GATB: variants seen among roughly 807,000 people sequenced by gnomAD.
GATB encodes the protein glutamyl-tRNA(Gln) amidotransferase subunit B, mitochondrial.
In GATB, 39 loss-of-function variants were observed where a neutral mutation model predicts 62.3. The ratio of observed to expected loss-of-function variants is 0.63; its 90% CI spans 0.48 to 0.82. The LOEUF is 0.82. Among genes scored for constraint, GATB ranks in the 40% least tolerant of loss-of-function variants. The pLI is 0.00. For synonymous variants in GATB, 276 were observed against 258.9 expected (o/e 1.07, Z -0.63); for missense variants, 670 against 684.0 (o/e 0.98, Z 0.23).
rs1352895822 is a variant in GATB, at chr4:151,689,775, T to TTAATACTTTAAGTGCAC, written c.1198-1013_1198-1012insGTGCACTTAAAGTATTA. Among the ~76,000 whole-genome samples the TTAATACTTTAAGTGCAC allele has an allele frequency of 7.9e-5, 12 of 152,326 alleles. No individual in the cohort carries two copies. In the East Asian group the frequency reaches 2.3e-3, roughly 29 times the overall value. ...GCATTCTTATCATACCATGTTCACC[T>TTAATACTTTAAGTGCAC]TTAAATACTGCAACTGCCACAACTA... On this transcript the variant is annotated intron_variant, in intron 9 of 12. Transcript: ENST00000263985.
chr4:151,733,169 T>C (rs1273311847), intron 2 of GATB, among the ~76,000 whole-genome samples: 2 of 151,870 alleles, frequency 1.3e-5, no homozygotes, highest in Non-Finnish European at 2.9e-5. Context: ...AAAAGATAAA[T>C]GAAACCAAAA....
At chr4:151,678,882 T>C (rs1738072483) in intron 11 of GATB, among the ~76,000 whole-genome samples, 1 of 91,012 alleles carries the variant, frequency 1.1e-5, no homozygotes, top group Non-Finnish European at 2.0e-5. Context: ...TCTGGTTATG[T>C]GTTTTTTTTG....
intron 2 of GATB, among the ~76,000 whole-genome samples, chr4:151,737,136 C>T (rs891943335): frequency 1.3e-5 from 2 of 152,244 alleles, no homozygotes; most frequent in East Asian, 1.9e-4. Flanking sequence ...CAGAAGAAGA[C>T]AGGAAAATGT....
chr4:151,737,063 TG>T (rs528647113), intron 2 of GATB, among the ~76,000 whole-genome samples: 10 of 152,150 alleles, frequency 6.6e-5, no homozygotes, highest in Non-Finnish European at 1.2e-4. Context: ...AAAAGATACC[TG>T]AAAATGTGGA....
At chr4:151,675,560 C>A (rs1053702207) in intron 11 of GATB, 1 of 152,244 alleles carries the variant, frequency 6.6e-6, no homozygotes, top group Non-Finnish European at 1.5e-5. Context: ...TTGACGCTCA[C>A]AGAGTGGCCT....
At chr4:151,705,588 C>T (rs553736786) in intron 6 of GATB, among the ~76,000 whole-genome samples, 2 of 152,274 alleles carry the variant, frequency 1.3e-5, no homozygotes, top group East Asian at 3.9e-4. Context: ...GAGATTGCTG[C>T]CTACCCAGGG....
intron 1 of GATB, among the ~76,000 whole-genome samples, chr4:151,759,710 G>A (rs1382799739): frequency 1.3e-5 from 2 of 151,978 alleles, no homozygotes; most frequent in Admixed American, 6.6e-5. Flanking sequence ...GCCTCTCCAG[G>A]TCCTTATAAA....
At chr4:151,731,928 C>T (rs1288701930) in intron 2 of GATB, among the ~76,000 whole-genome samples, 5 of 150,646 alleles carry the variant, frequency 3.3e-5, no homozygotes, top group Non-Finnish European at 5.9e-5. Context: ...GGTCAGCCCC[C>T]GCCGGGCCAG....
chr4:151,714,491 G>A (rs1738877472), intron 5 of GATB, among the ~76,000 whole-genome samples: 1 of 152,274 alleles, frequency 6.6e-6, no homozygotes, highest in African/African-American at 2.4e-5. Flanking sequence ...CTCGGCTGCT[G>A]TGTTAAAAGC....
intron 10 of GATB, among the ~76,000 whole-genome samples, chr4:151,687,428 A>G (rs896854476): frequency 1.3e-5 from 2 of 152,218 alleles, no homozygotes; most frequent in African/African-American, 4.8e-5. Context: ...GAAATCTGGA[A>G]GTTCTGCCAA....
At chr4:151,717,578 G>A (rs971014793) in intron 3 of GATB, among the ~76,000 whole-genome samples, 1 of 152,100 alleles carries the variant, frequency 6.6e-6, no homozygotes, top group Non-Finnish European at 1.5e-5. Flanking sequence ...CTTTTTAAAG[G>A]AATCAATCAT....
intron 9 of GATB, among the ~76,000 whole-genome samples, chr4:151,698,347 T>C (rs1738530799): frequency 6.6e-6 from 1 of 151,786 alleles, no homozygotes; most frequent in Non-Finnish European, 1.5e-5. Context: ...AAGACTAGAG[T>C]TAAATTCTGA....
chr4:151,739,850 A>G (rs1049857861), intron 2 of GATB, among the ~76,000 whole-genome samples: 2 of 152,224 alleles, frequency 1.3e-5, no homozygotes, highest in African/African-American at 2.4e-5. Context: ...GCATTCCTAT[A>G]GAAGCTTATA....
At chr4:151,735,569 G>C (rs1382562473) in intron 2 of GATB, among the ~76,000 whole-genome samples, 1 of 151,540 alleles carries the variant, frequency 6.6e-6, no homozygotes, top group African/African-American at 2.4e-5. Context: ...ACTACCATTT[G>C]ATCCAGCAAT....
chr4:151,672,786 A>C lies in GATB; in HGVS notation c.1521T>G (p.Ser507=), dbSNP rs1560838075. ...CCACTTGAGGATGGGCCTCCATCAC[A>C]GAGTGGCAGAGCTGCTCCAGTGCCC... The part of the protein sequence containing the change: ...DQGALEQLCH[S]VMEAHPQVVM... Residue 507 remains serine, a synonymous_variant, in exon 12 of 13, where the codon TCT becomes TCG. Coordinates refer to ENST00000263985, the MANE Select transcript of GATB (RefSeq NM_004564.3). 1 of 1,614,154 alleles carries C rather than the reference A, an allele frequency of 6.2e-7. No homozygotes were observed. The highest frequency in any genetic ancestry group is 8.5e-7 in the Non-Finnish European group (1 of 1,179,988).
At chr4:151,692,935 G>C (rs2126963413) in intron 9 of GATB, among the ~76,000 whole-genome samples, 1 of 152,208 alleles carries the variant, frequency 6.6e-6, no homozygotes. Context: ...GAACCACAGG[G>C]GTTTCCACTG....
chr4:151,727,669 T>C (rs1479244189), intron 2 of GATB, among the ~76,000 whole-genome samples: 56 of 152,202 alleles, frequency 3.7e-4, no homozygotes, highest in Admixed American at 3.7e-3. Context: ...ATCTGAATCT[T>C]ACTCCTCACA....
intron 10 of GATB, among the ~76,000 whole-genome samples, chr4:151,682,555 C>T (rs769546678): frequency 2.6e-5 from 4 of 152,086 alleles, no homozygotes; most frequent in Admixed American, 6.5e-5. Flanking sequence ...TCTGAGGCCG[C>T]GGTTCGACAG....
rs145476419 is a variant in GATB, at chr4:151,716,020, G to A, written c.752C>T (p.Ala251Val). The A allele has an allele frequency of 6.9e-5, 112 of 1,613,650 alleles. No individual in the cohort carries two copies. Among genetic ancestry groups the A allele is most frequent in the Admixed American group, 3.0e-4 (18 of 59,958 alleles). The change falls in exon 5 of 13, where the codon GCG (alanine) becomes GTG (valine). Residue 251 changes from alanine (A) to valine (V), a missense_variant. By Grantham distance (64) the Ala-to-Val change is moderately conservative (BLOSUM62 0). Coordinates refer to ENST00000263985, the MANE Select transcript of GATB (RefSeq NM_004564.3). ...TCTGTGGCTTCTACCTGCCATGTTC[G>A]CCTGGCTGGTCCCCAGGGCTTGAAG... The part of the protein sequence containing the change: ...LILQALGTSQ[A>V]NMAEGQLRVD...
Sources: allele counts gnomAD v4.1 joint callset (sites outside exome capture counted in the v4.1 genomes callset), GRCh38; gene constraint gnomAD v4.1.1; transcripts MANE v1.5; gene names NCBI Gene and HGNC (gene_info 2026-07-23, HGNC 2026-07-21).